TAMM41: variants seen among roughly 807,000 people sequenced by gnomAD.
TAMM41 encodes phosphatidate cytidylyltransferase, mitochondrial.
Under a neutral mutation model 44.1 loss-of-function variants are expected in TAMM41, and 36 were observed. The observed-to-expected ratio is 0.82, with a 90% CI of 0.63 to 1.08. TAMM41 has a LOEUF of 1.08. Ranked by LOEUF, TAMM41 falls within the 50% of genes least tolerant of loss-of-function variation. The pLI is 0.00. For synonymous variants in TAMM41, 164 were observed against 153.1 expected, an observed-to-expected ratio of 1.07 and a Z score of -0.53; for missense variants, 417 against 404.3, an observed-to-expected ratio of 1.03 and a Z score of -0.27.
chr3:11,800,336 G>A (rs2077716659), intron 7 of TAMM41, among the ~76,000 whole-genome samples: 1 of 151,848 alleles, frequency 6.6e-6, no homozygotes, highest in Non-Finnish European at 1.5e-5. Flanking sequence ...AAATGTAAAT[G>A]CATTAAATGC....
At chr3:11,729,137 T>A in the TAMM41 span, among the ~76,000 whole-genome samples, 2 of 152,096 alleles carry the variant, frequency 1.3e-5, no homozygotes, top group East Asian at 3.8e-4. Flanking sequence ...GCCAGAAGGA[T>A]TGCTCAGACC....
chr3:11,823,202 C>T (rs1162832912), intron 4 of TAMM41, among the ~76,000 whole-genome samples: 1 of 151,232 alleles, frequency 6.6e-6, no homozygotes, highest in African/African-American at 2.4e-5. Flanking sequence ...TATTCAAATC[C>T]TTCTCTTGTT....
downstream of TAMM41, among the ~76,000 whole-genome samples, chr3:11,788,544 C>A (rs2077430203): frequency 6.6e-6 from 1 of 152,192 alleles, no homozygotes; most frequent in Non-Finnish European, 1.5e-5. Flanking sequence ...CAGCCTCAGC[C>A]TTCCAAAGTG....
chr3:11,846,452 G>T (rs1235377953), intron 1 of TAMM41, 50 bp downstream of exon 1: 1 of 1,609,200 alleles, frequency 6.2e-7, no homozygotes, highest in Non-Finnish European at 8.5e-7. Flanking sequence ...AGGGCAAAAC[G>T]GGACTCGTGA....
intron 5 of TAMM41, among the ~76,000 whole-genome samples, chr3:11,814,459 AG>A (rs1187244019): frequency 6.6e-6 from 1 of 152,112 alleles, no homozygotes; most frequent in African/African-American, 2.4e-5. Flanking sequence ...AAAACCAATC[AG>A]AAATATTCTC....
downstream of TAMM41, among the ~76,000 whole-genome samples, chr3:11,787,688 A>C (rs1052098811): frequency 3.3e-5 from 5 of 152,208 alleles, no homozygotes; most frequent in Middle Eastern, 3.2e-3. Flanking sequence ...TATGTCATTT[A>C]ATTCTAACAC....
intron 5 of TAMM41, among the ~76,000 whole-genome samples, chr3:11,811,922 T>C (rs938451883): frequency 1.7e-4 from 26 of 152,210 alleles, no homozygotes; most frequent in African/African-American, 6.3e-4. Flanking sequence ...TCAATAAAGC[T>C]AATATTTTGT....
At chr3:11,746,398 A>C in the TAMM41 span, among the ~76,000 whole-genome samples, 4 of 152,166 alleles carry the variant, frequency 2.6e-5, no homozygotes, top group African/African-American at 9.7e-5. Flanking sequence ...ATGTTACTAG[A>C]AGACTTGTGC....
At chr3:11,790,747 C>T (rs1350233841) in intron 7 of TAMM41, among the ~76,000 whole-genome samples, 166 bp from the exon 8 acceptor site, 2 of 152,152 alleles carry the variant, frequency 1.3e-5, no homozygotes, top group African/African-American at 2.4e-5. Flanking sequence ...TCACTGTGAT[C>T]AATGTAGGGG....
the TAMM41 span, among the ~76,000 whole-genome samples, chr3:11,763,097 G>T: frequency 3.9e-5 from 6 of 152,280 alleles, no homozygotes; most frequent in South Asian, 1.2e-3. Flanking sequence ...TCCCAGTGTA[G>T]ACACAGATTT....
chr3:11,798,973 G>A (rs2077678604), intron 7 of TAMM41, among the ~76,000 whole-genome samples: 1 of 152,102 alleles, frequency 6.6e-6, no homozygotes, highest in Non-Finnish European at 1.5e-5. Context: ...CCAGCACTTT[G>A]GGAGGCTGAG....
At chr3:11,723,221 A>G in the TAMM41 span, among the ~76,000 whole-genome samples, 1 of 152,122 alleles carries the variant, frequency 6.6e-6, no homozygotes, top group African/African-American at 2.4e-5. Context: ...TGGATGGGAG[A>G]AAACCATTTG....
intron 4 of TAMM41, among the ~76,000 whole-genome samples, chr3:11,819,397 CG>C (rs1654134703): frequency 1.3e-5 from 2 of 152,156 alleles, no homozygotes; most frequent in South Asian, 4.1e-4. Flanking sequence ...AAGAAACTTG[CG>C]TAAGGTTTCC....
chr3:11,745,421 CA>C, the TAMM41 span, among the ~76,000 whole-genome samples: 1 of 152,122 alleles, frequency 6.6e-6, no homozygotes, highest in Non-Finnish European at 1.5e-5. Flanking sequence ...AAGGTGGAAG[CA>C]AAGCAAATGC....
At chr3:11,803,884 T>G (rs951569232) in intron 7 of TAMM41, among the ~76,000 whole-genome samples, 1 of 152,214 alleles carries the variant, frequency 6.6e-6, no homozygotes, top group Non-Finnish European at 1.5e-5. Flanking sequence ...CTAAACAATG[T>G]GTATGCATGA....
the TAMM41 span, among the ~76,000 whole-genome samples, chr3:11,728,550 C>G: frequency 1.8e-3 from 273 of 152,320 alleles, 2 homozygotes; most frequent in South Asian, 3.7e-3. Context: ...TTGCAGTTGC[C>G]TCAGAGCCTG....
the TAMM41 span, among the ~76,000 whole-genome samples, chr3:11,769,824 GA>G: frequency 6.6e-6 from 1 of 152,198 alleles, no homozygotes; most frequent in Non-Finnish European, 1.5e-5. Flanking sequence ...GGCTGTGCTG[GA>G]AAGTGTGACT....
At position 11,846,496 on chromosome 3, in the gene TAMM41, G is replaced by A; in HGVS notation, c.135+6C>T. ...AGTTCCCCGTCGTGGGGCTGCCCGG[G>A]CTCACCTTCTGGTCTGAACTCGGCC... On this transcript the variant is annotated splice_donor_region_variant and intron_variant, in intron 1 of 7. Coordinates refer to ENST00000455809, the MANE Select transcript of TAMM41 (RefSeq NM_001284401.2). 1 of 1,614,110 alleles carries A rather than the reference G, an allele frequency of 6.2e-7. No homozygotes were observed. Among genetic ancestry groups the A allele is most frequent in the Non-Finnish European group, 8.5e-7 (1 of 1,180,008 alleles).
the TAMM41 span, among the ~76,000 whole-genome samples, chr3:11,748,918 T>TG: frequency 4.6e-3 from 681 of 147,716 alleles, 6 homozygotes; most frequent in African/African-American, 0.016. Context: ...TAGATTTTTT[T>TG]TTTTTTTTTT....
Sources: allele counts gnomAD v4.1 joint callset (sites outside exome capture counted in the v4.1 genomes callset), GRCh38; gene constraint gnomAD v4.1.1; transcripts MANE v1.5; gene names NCBI Gene and HGNC (gene_info 2026-07-23, HGNC 2026-07-21).